Variants in ATAD2B observed in about 807,000 individuals in gnomAD.
ATAD2B encodes ATPase family AAA domain containing 2B.
A neutral mutation model predicts 167.6 loss-of-function variants in ATAD2B; 40 were observed. The observed-to-expected ratio is 0.24, with a 90% CI of 0.19 to 0.31. The LOEUF (loss-of-function observed/expected upper bound fraction) is 0.31. ATAD2B is among the 10% of genes least tolerant of loss of function. The pLI, the probability that ATAD2B is intolerant of heterozygous loss-of-function variation, is 1.00. For synonymous variants in ATAD2B, 579 were observed against 596.5 expected (o/e 0.97, Z 0.43); for missense variants, 1,242 against 1,757.2 (o/e 0.71, Z 5.24).
chr2:23,768,996 T>C (rs1246432220), intron 22 of ATAD2B, among the ~76,000 whole-genome samples: 1 of 152,164 alleles, frequency 6.6e-6, no homozygotes, highest in Non-Finnish European at 1.5e-5. Context: ...TGTATGGAAA[T>C]ATACACGTTA....
At chr2:23,800,309 GC>G (rs1027977202) in intron 18 of ATAD2B, among the ~76,000 whole-genome samples, 7 of 152,094 alleles carry the variant, frequency 4.6e-5, no homozygotes, top group African/African-American at 1.7e-4. Flanking sequence ...CCACATACAT[GC>G]CCAGGGTATG....
chr2:23,711,385 A>G, the ATAD2B span, among the ~76,000 whole-genome samples: 2 of 86,458 alleles, frequency 2.3e-5, no homozygotes, highest in Non-Finnish European at 4.1e-5. Flanking sequence ...TTTTTTTTGG[A>G]GACAGAGTCT....
At chr2:23,698,566 A>ATAAT in the ATAD2B span, among the ~76,000 whole-genome samples, 1 of 113,554 alleles carries the variant, frequency 8.8e-6, no homozygotes, top group Non-Finnish European at 1.9e-5. Flanking sequence ...ATGGTGCATT[A>ATAAT]TAATTATATT....
downstream of ATAD2B, among the ~76,000 whole-genome samples, chr2:23,746,640 G>A (rs1160449449): frequency 3.9e-5 from 6 of 152,132 alleles, no homozygotes; most frequent in Admixed American, 3.3e-4. Flanking sequence ...AGGGTGATAG[G>A]TATGAGACAT....
chr2:23,715,222 G>T, the ATAD2B span, among the ~76,000 whole-genome samples: 9 of 152,106 alleles, frequency 5.9e-5, no homozygotes, highest in Admixed American at 1.3e-4. Context: ...TCAGTCATTT[G>T]TCCCACCTAT....
In ATAD2B at chr2:23,803,312, G is replaced by A. The variant is rs887451706; in HGVS notation, c.2455-4989C>T. ...GTGAAATGCTCAGTAACATATGTGTGTACACACACACACACACACACACAC... is the reference window on the plus strand; with the variant it reads ...GTGAAATGCTCAGTAACATATGTGTATACACACACACACACACACACACAC... On this transcript the variant is annotated intron_variant, in intron 18 of 27. Transcript: ENST00000238789. Among the ~76,000 whole-genome samples, 22 of 137,214 alleles carry A rather than the reference G, an allele frequency of 1.6e-4. No homozygotes were observed. In the East Asian group the frequency reaches 3.0e-3, roughly 18 times the overall value. 90.0% of individuals were successfully genotyped at this position (137,214 alleles called of 152,430 possible).
intron 2 of ATAD2B, among the ~76,000 whole-genome samples, chr2:23,895,407 T>G (rs758951769): frequency 1.3e-5 from 2 of 152,022 alleles, no homozygotes; most frequent in Non-Finnish European, 2.9e-5. Flanking sequence ...AACAGGATAA[T>G]AGATGAAAAG....
intron 23 of ATAD2B, among the ~76,000 whole-genome samples, chr2:23,763,181 C>G (rs1230450092): frequency 1.3e-5 from 2 of 152,146 alleles, no homozygotes; most frequent in African/African-American, 4.8e-5. Context: ...TTAGTATCTA[C>G]TAAGTCACTC....
At position 23,750,071 on chromosome 2, in the gene ATAD2B, AATGT is replaced by A. The variant is rs1270461105; in HGVS notation, c.*1971_*1974del. 2 of 152,200 alleles carry A rather than the reference AATGT, an allele frequency of 1.3e-5. No individual in the cohort carries two copies. Among genetic ancestry groups the A allele is most frequent in the East Asian group, 3.8e-4 (2 of 5,198 alleles). The allele number at this position is 152,200 out of a possible 1,614,324, so 9.4% of individuals were successfully genotyped here. A position where few individuals can be genotyped will look rare whatever the true frequency, so the allele number is the denominator to read the frequency against. Reference sequence around the variant, plus strand: ...AATTTCCATCAAAATACAAAATGCTAATGTATTAGACAATAAAATAGTTTGAATC... The same window carrying A: ...AATTTCCATCAAAATACAAAATGCTAATTAGACAATAAAATAGTTTGAATC... On this transcript the variant is annotated 3_prime_UTR_variant, in exon 28 of 28. Transcript: ENST00000238789.
In ATAD2B at chr2:23,878,010, C is replaced by CAAAAAAAAAAAAAAAAAAAAAAA. The variant is rs1283016862; in HGVS notation, c.902-2107_902-2106insTTTTTTTTTTTTTTTTTTTTTTT. 6.6e-4 allele frequency among the ~76,000 whole-genome samples: 19 copies of CAAAAAAAAAAAAAAAAAAAAAAA among 28,608 alleles called. 3 individuals carry two copies. The highest frequency in any genetic ancestry group is 8.7e-4 in the African/African-American group (7 of 8,032). 18.8% of individuals were successfully genotyped at this position (28,608 alleles called of 152,430 possible). A position where few individuals can be genotyped will look rare whatever the true frequency, so the allele number is the denominator to read the frequency against. On this transcript the variant is annotated intron_variant, in intron 7 of 27. Coordinates refer to ENST00000238789, the MANE Select transcript of ATAD2B (RefSeq NM_017552.4). ...ACTCCAGCCTGGATGACCCTATCTCCAAAGAAAAAAAAAAAAAAAAAAAAA... is the reference window on the plus strand; with the variant it reads ...ACTCCAGCCTGGATGACCCTATCTCCAAAAAAAAAAAAAAAAAAAAAAAAAAGAAAAAAAAAAAAAAAAAAAAA...
chr2:23,893,201 A>C (rs1699768149), intron 2 of ATAD2B, among the ~76,000 whole-genome samples: 1 of 152,196 alleles, frequency 6.6e-6, no homozygotes. Flanking sequence ...TAAAATGGAA[A>C]TTTATTTTGC....
chr2:23,887,924 A>G lies in ATAD2B; in HGVS notation c.480T>C (p.Asn160=). The G allele has an allele frequency of 6.2e-7, 1 of 1,611,100 alleles. No individual in the cohort carries two copies. Among genetic ancestry groups the G allele is most frequent in the Non-Finnish European group, 8.5e-7 (1 of 1,178,940 alleles). ...AACTTTTTCTGACTTCCATGTCACC[A>G]TTTATACAAGAAAGGTCCCCATCTC... ...KKGDGDLSCI[N]GDMEVRKSCR... Residue 160 remains asparagine (N), a synonymous_variant, in exon 4 of 28, where the codon AAT becomes AAC. Transcript: ENST00000238789.
At chr2:23,874,169 C>G (rs1013811223) in intron 8 of ATAD2B, among the ~76,000 whole-genome samples, 4 of 151,048 alleles carry the variant, frequency 2.6e-5, no homozygotes, top group Non-Finnish European at 5.9e-5. Flanking sequence ...CCTTGGCGAC[C>G]AGGGAAGGCT....
chr2:23,841,592 T>C (rs1558641380), intron 13 of ATAD2B, among the ~76,000 whole-genome samples: 1 of 152,092 alleles, frequency 6.6e-6, no homozygotes, highest in African/African-American at 2.4e-5. Flanking sequence ...CACAACACAC[T>C]ACTGCCTTGA....
intron 18 of ATAD2B, among the ~76,000 whole-genome samples, chr2:23,807,940 T>A (rs1166855871): frequency 7.9e-6 from 1 of 127,164 alleles, no homozygotes; most frequent in East Asian, 2.0e-4. Context: ...ATAATATATA[T>A]AAATATATAA....
At chr2:23,839,002 G>A (rs1013394694) in intron 13 of ATAD2B, among the ~76,000 whole-genome samples, 4 of 152,060 alleles carry the variant, frequency 2.6e-5, no homozygotes, top group African/African-American at 9.7e-5. Flanking sequence ...AATGTAACAT[G>A]AGACTTCTTA....
intron 8 of ATAD2B, among the ~76,000 whole-genome samples, chr2:23,871,892 T>C (rs771804466): frequency 1.3e-5 from 2 of 152,196 alleles, no homozygotes; most frequent in Non-Finnish European, 2.9e-5. Context: ...TTTTCTTTTT[T>C]TTTGAGACAG....
the ATAD2B span, among the ~76,000 whole-genome samples, chr2:23,688,089 C>A: frequency 6.6e-6 from 1 of 152,128 alleles, no homozygotes; most frequent in Non-Finnish European, 1.5e-5. Flanking sequence ...GTAGAGTGGA[C>A]AGGTGTGGCT....
the ATAD2B span, among the ~76,000 whole-genome samples, chr2:23,733,051 G>T: frequency 2.1e-3 from 321 of 152,226 alleles, no homozygotes; most frequent in African/African-American, 7.6e-3. Flanking sequence ...TTTAAAGAAG[G>T]CCTGGACATT....
Sources: gnomAD v4.1 joint callset for allele counts (sites outside exome capture counted in the v4.1 genomes callset) on GRCh38, gnomAD v4.1.1 for gene constraint, MANE v1.5 for transcripts, NCBI Gene and HGNC (gene_info 2026-07-23, HGNC 2026-07-21) for gene names.